SAFB2: variants seen among roughly 807,000 people sequenced by gnomAD.
The protein encoded by SAFB2 is scaffold attachment factor B2.
In SAFB2, 32 loss-of-function variants were observed where a neutral mutation model predicts 100.6. The observed-to-expected ratio is 0.32, with a 90% CI of 0.24 to 0.43. The LOEUF is 0.43. Ranked by LOEUF, SAFB2 falls within the 20% of genes least tolerant of loss-of-function variation. The pLI is 1.00. For missense variants in SAFB2, 1,185 were observed against 1,163.4 expected, an observed-to-expected ratio of 1.02 and a Z score of -0.27; for synonymous variants, 500 against 439.4, an observed-to-expected ratio of 1.14 and a Z score of -1.72.
intron 9 of SAFB2, among the ~76,000 whole-genome samples, chr19:5,607,992 C>T (rs1194393422): frequency 6.6e-6 from 1 of 152,236 alleles, no homozygotes; most frequent in Non-Finnish European, 1.5e-5. Context: ...AAGTATATCT[C>T]TTCTGATGAC....
chr19:5,608,253 A>G (rs2052820137), intron 9 of SAFB2, among the ~76,000 whole-genome samples: 1 of 152,056 alleles, frequency 6.6e-6, no homozygotes, highest in Non-Finnish European at 1.5e-5. Flanking sequence ...CCCAAATCTA[A>G]ACACGGCCTC....
Position 5,587,601 on chromosome 19 carries a change from T to C in SAFB2, c.2705+100A>G. 2 of 1,461,024 alleles carry C rather than the reference T, an allele frequency of 1.4e-6. No individual in the cohort carries two copies. Among genetic ancestry groups the C allele is most frequent in the Admixed American group, 2.6e-5 (1 of 38,726 alleles). 90.5% of individuals were successfully genotyped at this position (1,461,024 alleles called of 1,614,324 possible). A position where few individuals can be genotyped will look rare whatever the true frequency, so the allele number is the denominator to read the frequency against. On this transcript the variant is annotated intron_variant, in intron 20 of 20. Coordinates refer to ENST00000252542, the MANE Select transcript of SAFB2 (RefSeq NM_014649.3). This position sits in a 1 kb window ranked among gnomAD's most constrained non-coding sequence, Gnocchi z 4.9. ...CAAAGAGCTGCTTTTTGCTTTGTTT[T>C]CATAACATCCAACCCAGCCAGCTGA...
In SAFB2 at chr19:5,610,693, A is replaced by G; in HGVS notation, c.1146-5T>C. Reference sequence around the variant, plus strand: ...TCTTTTTCTTCCTTAAAAGAGCTAGAGACAAAAGTTAATGTTACTCATACA... The same window carrying G: ...TCTTTTTCTTCCTTAAAAGAGCTAGGGACAAAAGTTAATGTTACTCATACA... On this transcript the variant is annotated splice_region_variant and splice_polypyrimidine_tract_variant and intron_variant, in intron 7 of 20. Coordinates refer to ENST00000252542, the MANE Select transcript of SAFB2 (RefSeq NM_014649.3). 6.5e-7 allele frequency: 1 copy of G among 1,538,922 alleles called. No homozygotes were observed. Among genetic ancestry groups the G allele is most frequent in the Non-Finnish European group, 8.9e-7 (1 of 1,120,142 alleles).
Position 5,593,945 on chromosome 19 carries a change from T to A in SAFB2, c.2153A>T (p.Gln718Leu). 1 of 1,555,934 alleles carries A rather than the reference T, an allele frequency of 6.4e-7. No individual in the cohort carries two copies. The highest frequency in any genetic ancestry group is 8.6e-7 in the Non-Finnish European group (1 of 1,159,868). ...EREELRRQQE[Q>L]LRYEQERRPG... ...CCGCCGCTCCTGCTCGTAACGCAGC[T>A]GCTCCTGCTGGCGCCGCAGCTCCTC... The change falls in exon 15 of 21, where the codon CAG (glutamine) becomes CTG (leucine). Residue 718 changes from glutamine to leucine, a missense_variant. By Grantham distance (113) the Gln-to-Leu change is moderately radical (BLOSUM62 -2). Around this residue, in one of 3 missense-constraint regions of SAFB2, gnomAD observed 740 missense variants for 687.1 expected, o/e 1.08. Transcript: ENST00000252542.
rs755727361 is a variant in SAFB2 at position 5,591,776 on chromosome 19, G to A, written c.2366C>T (p.Pro789Leu). The change falls in exon 17 of 21, where the codon CCA becomes CTA. Residue 789 changes from proline to leucine, a missense_variant. Around this residue, in one of 3 missense-constraint regions of SAFB2, gnomAD observed 740 missense variants for 687.1 expected, o/e 1.08. Transcript: ENST00000252542. ...HAIDRREGSR[P>L]MMGDHRDGQH... Reference sequence around the variant, plus strand: ...CCCATCCCGGTGGTCTCCCATCATTGGCCTCGAACCCTCCCGCCTGCAAAA... The same window carrying A: ...CCCATCCCGGTGGTCTCCCATCATTAGCCTCGAACCCTCCCGCCTGCAAAA... 6.2e-7 allele frequency: 1 copy of A among 1,613,670 alleles called. No individual in the cohort carries two copies. The highest frequency in any genetic ancestry group is 8.5e-7 in the Non-Finnish European group (1 of 1,179,894).
rs747682243 is a variant in SAFB2, at chr19:5,616,112, C to A, written c.543+20G>T. 3 of 1,612,388 alleles carry A rather than the reference C, an allele frequency of 1.9e-6. No individual in the cohort carries two copies. In the Admixed American group the frequency reaches 5.0e-5, roughly 27 times the overall value. ...CCTCGGGGCTATGGGCACATCCTGCCGTGTCTCCAAGTTACCTACAGCATG... is the reference window on the plus strand; with the variant it reads ...CCTCGGGGCTATGGGCACATCCTGCAGTGTCTCCAAGTTACCTACAGCATG... On this transcript the variant is annotated intron_variant, in intron 4 of 20. Coordinates refer to ENST00000252542, the MANE Select transcript of SAFB2 (RefSeq NM_014649.3).
chr19:5,618,120 G>A (rs575002020), intron 2 of SAFB2, among the ~76,000 whole-genome samples: 1 of 152,196 alleles, frequency 6.6e-6, no homozygotes, highest in Non-Finnish European at 1.5e-5. Context: ...CTGGGCAACA[G>A]AGTAAGACCG....
intron 18 of SAFB2, among the ~76,000 whole-genome samples, chr19:5,588,701 G>A (rs1211303399): frequency 6.6e-6 from 1 of 152,136 alleles, no homozygotes; most frequent in Non-Finnish European, 1.5e-5. Context: ...AGGGACCTGT[G>A]GCTACCAAGG....
At chr19:5,622,145 A>G (rs1368334167) in intron 1 of SAFB2, among the ~76,000 whole-genome samples, 4 of 152,080 alleles carry the variant, frequency 2.6e-5, no homozygotes. Flanking sequence ...CTTTCCTGTA[A>G]ATGCTCTGGA....
At chr19:5,601,543 T>C (rs1162202326) in intron 11 of SAFB2, among the ~76,000 whole-genome samples, 9 of 151,982 alleles carry the variant, frequency 5.9e-5, no homozygotes, top group Non-Finnish European at 1.3e-4. Flanking sequence ...ACTCCGTCTC[T>C]ACTAAAAATA....
At position 5,587,090 on chromosome 19, in the gene SAFB2, A is replaced by T; in HGVS notation, c.*153T>A. ...GGCAGAACAAGAACACATTTATTTA[A>T]AAAAAAAAAAAAAGTGAGTTCACAT... is the stretch of plus-strand genomic sequence containing the variant. On this transcript the variant is annotated 3_prime_UTR_variant, in exon 21 of 21. Coordinates refer to ENST00000252542, the MANE Select transcript of SAFB2 (RefSeq NM_014649.3). The surrounding 1 kb of genome is among the most constrained non-coding windows in gnomAD (Gnocchi z 4.9). The T allele has an allele frequency of 6.1e-5, 44 of 722,126 alleles. No homozygotes were observed. Among genetic ancestry groups the T allele is most frequent in the East Asian group, 1.1e-4 (3 of 28,304 alleles). 44.7% of individuals were successfully genotyped at this position (722,126 alleles called of 1,614,324 possible). A position where few individuals can be genotyped will look rare whatever the true frequency, so the allele number is the denominator to read the frequency against.
intron 6 of SAFB2, 89 bp downstream of exon 6, chr19:5,612,451 G>T: frequency 8.1e-7 from 1 of 1,235,186 alleles, no homozygotes; most frequent in Non-Finnish European, 1.2e-6. Flanking sequence ...CAATTTACAA[G>T]ATCATAACAC....
At position 5,594,111 on chromosome 19, in the gene SAFB2, G is replaced by A. The variant is rs539489452; in HGVS notation, c.1987C>T (p.Leu663=). 108 of 1,601,396 alleles carry A rather than the reference G, an allele frequency of 6.7e-5. No individual in the cohort carries two copies. The South Asian group carries it at 1.1e-3, about 17-fold the overall frequency. ...TCGAGCTGCAGGCGTTCCCGCTGTA[G>A]CCGGGCCTTCTCCTTCCGCTCATGG... ...AFHERKEKAR[L]QRERLQLECQ... is the part of the protein sequence containing the mutation. The change falls in exon 15 of 21, where the codon CTA becomes TTA. Residue 663 remains leucine (L), a synonymous_variant. Transcript: ENST00000252542.
intron 4 of SAFB2, 52 bp downstream of exon 4, chr19:5,616,080 C>T (rs747376474): frequency 3.2e-6 from 5 of 1,566,454 alleles, no homozygotes; most frequent in Non-Finnish European, 2.6e-6. Context: ...CACGCGAGCA[C>T]CAGGTGCCTC....
At chr19:5,600,964 C>T (rs769569834) in intron 11 of SAFB2, among the ~76,000 whole-genome samples, 1 of 152,148 alleles carries the variant, frequency 6.6e-6, no homozygotes, top group Non-Finnish European at 1.5e-5. Flanking sequence ...TCAACACCAA[C>T]GACATGCCAG....
intron 8 of SAFB2, 142 bp from the exon 9 acceptor site, chr19:5,610,237 G>T: frequency 3.0e-6 from 2 of 662,164 alleles, no homozygotes; most frequent in Non-Finnish European, 5.4e-6. Flanking sequence ...ACACACACAT[G>T]CCAACACACA....
At position 5,616,405 on chromosome 19, in the gene SAFB2, AC is replaced by A; in HGVS notation, c.339+16del. On this transcript the variant is annotated intron_variant, in intron 3 of 20. Coordinates refer to ENST00000252542, the MANE Select transcript of SAFB2 (RefSeq NM_014649.3). ...CAGGGAGCTGCTGCTTGTCATCTCT[AC>A]CCTGACATCACTTACCTGCCCGTCT... The A allele has an allele frequency of 6.2e-7, 1 of 1,613,220 alleles. No individual in the cohort carries two copies. The highest frequency in any genetic ancestry group is 8.5e-7 in the Non-Finnish European group (1 of 1,179,716).
At chr19:5,588,443 T>C (rs1238504008) in intron 18 of SAFB2, among the ~76,000 whole-genome samples, 2 of 152,184 alleles carry the variant, frequency 1.3e-5, no homozygotes, top group East Asian at 1.9e-4. Flanking sequence ...TGTGCATGAA[T>C]GTTCCTAGCG....
chr19:5,598,607 G>T, intron 13 of SAFB2, 186 bp downstream of exon 13: 1 of 607,382 alleles, frequency 1.6e-6, no homozygotes, highest in Non-Finnish European at 3.0e-6. Flanking sequence ...ACACGGATGG[G>T]CACTGCTCTG....
Sources: allele counts gnomAD v4.1 joint callset (sites outside exome capture counted in the v4.1 genomes callset), GRCh38; gene constraint gnomAD v4.1.1; regional missense constraint gnomAD v4.1.1; non-coding constraint Gnocchi (gnomAD v3.1); transcripts MANE v1.5; gene names NCBI Gene and HGNC (gene_info 2026-07-23, HGNC 2026-07-21).